Variants in FAM200B observed in about 807,000 individuals in gnomAD.
FAM200B encodes the protein zinc finger BED-type containing 11.
In FAM200B, 32 loss-of-function variants were observed where a neutral mutation model predicts 33.1. The ratio of observed to expected loss-of-function variants is 0.97; its 90% CI spans 0.73 to 1.30. FAM200B has a LOEUF of 1.30. Ranked by LOEUF, FAM200B falls within the 50% of genes most tolerant of loss-of-function variation. FAM200B has a pLI of 0.00. For missense variants in FAM200B, 741 were observed against 754.0 expected, an observed-to-expected ratio of 0.98 and a Z score of 0.20; for synonymous variants, 240 against 264.8, an observed-to-expected ratio of 0.91 and a Z score of 0.91.
At chr4:15,671,835 A>T in the FAM200B span, among the ~76,000 whole-genome samples, 1 of 152,206 alleles carries the variant, frequency 6.6e-6, no homozygotes, top group Non-Finnish European at 1.5e-5. Flanking sequence ...CCAATCTGCC[A>T]TTAAACCCAT....
At chr4:15,639,129 A>G in the FAM200B span, among the ~76,000 whole-genome samples, 1 of 152,238 alleles carries the variant, frequency 6.6e-6, no homozygotes, top group Non-Finnish European at 1.5e-5. Context: ...GCGCCATTGC[A>G]CTCCAGCCTG....
chr4:15,652,242 G>A, the FAM200B span, among the ~76,000 whole-genome samples: 1 of 152,128 alleles, frequency 6.6e-6, no homozygotes, highest in Non-Finnish European at 1.5e-5. Flanking sequence ...TGAATTAGCA[G>A]GAGATTTCTT....
At chr4:15,659,545 T>C in the FAM200B span, among the ~76,000 whole-genome samples, 26 of 152,192 alleles carry the variant, frequency 1.7e-4, no homozygotes, top group Admixed American at 2.6e-4. Flanking sequence ...ACTGTCCAAA[T>C]ATAGAGTAGT....
At chr4:15,683,819 G>A (rs111644602) in intron 1 of FAM200B, among the ~76,000 whole-genome samples, 9 of 152,272 alleles carry the variant, frequency 5.9e-5, no homozygotes, top group African/African-American at 2.2e-4. Flanking sequence ...GTTACTGACT[G>A]TGATAAAAAT....
At chr4:15,646,127 T>G in the FAM200B span, among the ~76,000 whole-genome samples, 1 of 152,204 alleles carries the variant, frequency 6.6e-6, no homozygotes, top group Non-Finnish European at 1.5e-5. Flanking sequence ...TAGCAATTAT[T>G]TACCTCAGCA....
the FAM200B span, chr4:15,644,637 C>G: frequency 6.2e-7 from 1 of 1,614,054 alleles, no homozygotes; most frequent in Non-Finnish European, 8.5e-7. Flanking sequence ...TTTTGAACTC[C>G]TTGAAAGTAG....
rs1223400659 is a variant in FAM200B at position 15,687,050 on chromosome 4, G to A, written c.73G>A (p.Val25Ile). 9 of 1,532,080 alleles carry A rather than the reference G, an allele frequency of 5.9e-6. No homozygotes were observed. In the East Asian group the frequency reaches 2.2e-4, roughly 38 times the overall value. The allele number at this position is 1,532,080 out of a possible 1,614,324, so 94.9% of individuals were successfully genotyped here. ...TACAGAAGCATGTTCAAGTTCATCT[G>A]TTGAATCTGGAATTGTGAATAGTGA... is the stretch of plus-strand genomic sequence containing the variant. ...KYTEACSSSSVESGIVNSDNI... is the reference protein window; with the variant it reads ...KYTEACSSSSIESGIVNSDNI... Residue 25 changes from valine (V) to isoleucine (I), a missense_variant, in exon 2 of 2, where the codon GTT becomes ATT. Coordinates refer to ENST00000422728, the MANE Select transcript of FAM200B (RefSeq NM_001145191.2).
chr4:15,687,235 T>C lies in FAM200B; in HGVS notation c.258T>C (p.Cys86=). Residue 86 remains cysteine, a synonymous_variant, in exon 2 of 2, where the codon TGT becomes TGC. Transcript: ENST00000422728. ...CCTTTGAAAATGACAGACCTCAGTGTGTTATTTGTAATAATATTCTTGCGA... is the reference window on the plus strand; with the variant it reads ...CCTTTGAAAATGACAGACCTCAGTGCGTTATTTGTAATAATATTCTTGCGA... The part of the protein sequence containing the change: ...EKPFENDRPQ[C]VICNNILANE... The C allele has an allele frequency of 1.3e-6, 2 of 1,543,440 alleles. No homozygotes were observed. The highest frequency in any genetic ancestry group is 1.7e-6 in the Non-Finnish European group (2 of 1,144,286).
the FAM200B span, among the ~76,000 whole-genome samples, chr4:15,666,912 A>C: frequency 6.6e-6 from 1 of 152,182 alleles, no homozygotes; most frequent in Non-Finnish European, 1.5e-5. Flanking sequence ...AAATGTGTTA[A>C]TTAGCTTGAT....
the FAM200B span, among the ~76,000 whole-genome samples, chr4:15,668,247 T>C: frequency 6.6e-6 from 1 of 151,068 alleles, no homozygotes; most frequent in Non-Finnish European, 1.5e-5. Context: ...CATTATCTAG[T>C]ATGGTATTTT....
the FAM200B span, among the ~76,000 whole-genome samples, chr4:15,642,663 C>T: frequency 6.6e-6 from 1 of 152,198 alleles, no homozygotes; most frequent in East Asian, 1.9e-4. Context: ...TACGACTTTA[C>T]ACATTTTCCC....
Position 15,690,267 on chromosome 4 carries a change from C to T in FAM200B, c.*1316C>T, listed in dbSNP as rs1288736632. On this transcript the variant is annotated 3_prime_UTR_variant, in exon 2 of 2. Transcript: ENST00000422728. ...TCAACTTCTGCCTTTCTGTGTACTC[C>T]CTTATCCCACTGGGTGATATTATTT... 1 of 167,024 alleles carries T rather than the reference C, an allele frequency of 6.0e-6. No individual in the cohort carries two copies. The highest frequency in any genetic ancestry group is 1.9e-4 in the East Asian group (1 of 5,202). 10.3% of individuals were successfully genotyped at this position (167,024 alleles called of 1,614,324 possible).
At chr4:15,662,377 C>T in the FAM200B span, among the ~76,000 whole-genome samples, 1 of 152,006 alleles carries the variant, frequency 6.6e-6, no homozygotes, top group African/African-American at 2.4e-5. Context: ...TAGGTCCTCA[C>T]TTAATAAACT....
the FAM200B span, among the ~76,000 whole-genome samples, chr4:15,651,593 G>A: frequency 6.6e-6 from 1 of 152,062 alleles, no homozygotes; most frequent in South Asian, 2.1e-4. Context: ...GCGGAGGGGG[G>A]AAGGAAAACT....
rs1249266470 is a variant in FAM200B, at chr4:15,686,300, C to T, written c.-678C>T. ...CATCAACTCCAACCTGATATTTGAC[C>T]TAGCCATGGAAAACCTCATTGGCTC... On this transcript the variant is annotated 5_prime_UTR_variant, in exon 2 of 2. Transcript: ENST00000422728. 6.6e-6 allele frequency: 1 copy of T among 152,128 alleles called. No homozygotes were observed. Among genetic ancestry groups the T allele is most frequent in the East Asian group, 1.9e-4 (1 of 5,194 alleles). 9.4% of individuals were successfully genotyped at this position (152,128 alleles called of 1,614,324 possible).
chr4:15,655,228 C>A, the FAM200B span: 1 of 1,436,850 alleles, frequency 7.0e-7, no homozygotes, highest in Non-Finnish European at 9.3e-7. Flanking sequence ...GCCCCACCAG[C>A]TGCTTCATCC....
chr4:15,687,996 AGAATC>A lies in FAM200B; in HGVS notation c.1020_1024del (p.Gln340HisfsTer13). On this transcript the variant is annotated frameshift_variant, in exon 2 of 2. Transcript: ENST00000422728. LOFTEE classifies it high-confidence loss of function. ...GGTTTAGCATCCAGAGAAATTCCAC[AGAATC>A]TCATGGAGGTATTGAAAAATGCAGT... The A allele has an allele frequency of 6.4e-7, 1 of 1,551,094 alleles. No individual in the cohort carries two copies.
the FAM200B span, among the ~76,000 whole-genome samples, chr4:15,665,970 G>A: frequency 2.0e-5 from 3 of 151,756 alleles, no homozygotes; most frequent in African/African-American, 7.3e-5. Context: ...ACTTCCTTGA[G>A]GCCAAATGCA....
rs1454697930 is a variant in FAM200B at position 15,687,663 on chromosome 4, T to C, written c.686T>C (p.Leu229Pro). 1.8e-5 allele frequency: 28 copies of C among 1,551,238 alleles called. No individual in the cohort carries two copies. In the East Asian group the frequency reaches 4.9e-4, roughly 27 times the overall value. Residue 229 changes from leucine to proline, a missense_variant, in exon 2 of 2, where the codon CTT (leucine) becomes CCT (proline). By Grantham distance (98) the Leu-to-Pro change is moderately conservative (BLOSUM62 -3). Transcript: ENST00000422728. ...TCTGGTATAGATTTTGCAATCCAGCTTGATGAAAGCACTGATATTGGAAGC... is the reference window on the plus strand; with the variant it reads ...TCTGGTATAGATTTTGCAATCCAGCCTGATGAAAGCACTGATATTGGAAGC... The part of the protein sequence containing the change: ...LQSGIDFAIQ[L>P]DESTDIGSCT...
Sources: gnomAD v4.1 joint callset for allele counts (sites outside exome capture counted in the v4.1 genomes callset) on GRCh38, gnomAD v4.1.1 for gene constraint, MANE v1.5 for transcripts, NCBI Gene and HGNC (gene_info 2026-07-23, HGNC 2026-07-21) for gene names.